IGF2BP2: variants seen among roughly 807,000 people sequenced by gnomAD.
The protein encoded by IGF2BP2 is insulin-like growth factor 2 mRNA-binding protein 2.
Under a neutral mutation model 75.8 loss-of-function variants are expected in IGF2BP2, and 17 were observed. The observed-to-expected ratio is 0.22, with a 90% CI of 0.15 to 0.34. The LOEUF (loss-of-function observed/expected upper bound fraction) is 0.34. Among genes scored for constraint, IGF2BP2 ranks in the 10% least tolerant of loss-of-function variants. IGF2BP2 has a pLI of 1.00. For synonymous variants in IGF2BP2, 288 were observed against 295.6 expected (o/e 0.97, Z 0.26); for missense variants, 516 against 772.4 (o/e 0.67, Z 3.93).
intron 2 of IGF2BP2, chr3:185,713,476 G>C (rs1725124474): frequency 1.9e-6 from 1 of 519,810 alleles, no homozygotes; most frequent in Non-Finnish European, 3.8e-6. Context: ...AGATCCAATG[G>C]TCAAGGTAAC....
chr3:185,692,618 AC>A, intron 5 of IGF2BP2, 80 bp downstream of exon 5: 1 of 1,249,170 alleles, frequency 8.0e-7, no homozygotes, highest in Non-Finnish European at 1.2e-6. Context: ...TTTTTAGAAA[AC>A]ATTTAAAAAC....
intron 2 of IGF2BP2, among the ~76,000 whole-genome samples, chr3:185,726,768 T>C (rs1039160709): frequency 6.6e-6 from 1 of 152,178 alleles, no homozygotes; most frequent in East Asian, 1.9e-4. Flanking sequence ...ATTCCTTTTG[T>C]GTCAGTAACA....
intron 2 of IGF2BP2, among the ~76,000 whole-genome samples, chr3:185,748,519 T>A (rs964923061): frequency 2.6e-5 from 4 of 152,240 alleles, no homozygotes; most frequent in African/African-American, 9.6e-5. Flanking sequence ...TAGAATGTAC[T>A]TCTAAAAATT....
chr3:185,781,591 A>T (rs1560460575), intron 2 of IGF2BP2, among the ~76,000 whole-genome samples: 1 of 152,192 alleles, frequency 6.6e-6, no homozygotes, highest in Non-Finnish European at 1.5e-5. Context: ...CGGTTTAAGC[A>T]TTGTGACTAG....
At chr3:185,659,612 G>A (rs538296662) in intron 10 of IGF2BP2, among the ~76,000 whole-genome samples, 93 of 152,044 alleles carry the variant, frequency 6.1e-4, no homozygotes, top group African/African-American at 2.2e-3. Context: ...CTGACCTCAG[G>A]TGATCTACCC....
At chr3:185,740,854 T>C (rs1578158817) in intron 2 of IGF2BP2, among the ~76,000 whole-genome samples, 1 of 152,300 alleles carries the variant, frequency 6.6e-6, no homozygotes, top group Admixed American at 6.5e-5. Context: ...GAGGAAATGT[T>C]TGCATATTTT....
At chr3:185,670,679 C>T in intron 10 of IGF2BP2, among the ~76,000 whole-genome samples, 1 of 152,126 alleles carries the variant, frequency 6.6e-6, no homozygotes, top group Non-Finnish European at 1.5e-5. Context: ...AGTGATTCTC[C>T]TTGCCTCAGC....
intron 2 of IGF2BP2, among the ~76,000 whole-genome samples, chr3:185,766,460 GA>G (rs1240437181): frequency 2.0e-5 from 3 of 151,998 alleles, no homozygotes; most frequent in Admixed American, 1.3e-4. Context: ...AAAATAAAAA[GA>G]ATATTCCGTG....
rs560800978 is a variant in IGF2BP2 at position 185,709,437 on chromosome 3, C to T, written c.240-11090G>A. ...CTCCCCAGGGGCACTTGCTGCTGGG[C>T]GCTGGCTTCTTTTTCCTGGCCCACT... On this transcript the variant is annotated intron_variant, in intron 2 of 15. Coordinates refer to ENST00000382199, the MANE Select transcript of IGF2BP2 (RefSeq NM_006548.6). Among the ~76,000 whole-genome samples the T allele has an allele frequency of 1.4e-3, 216 of 152,292 alleles. 2 individuals carry two copies. The highest frequency in any genetic ancestry group is 0.012 in the South Asian group (57 of 4,822).
intron 2 of IGF2BP2, chr3:185,722,395 G>A (rs1396753203): frequency 7.9e-6 from 3 of 381,520 alleles, no homozygotes; most frequent in African/African-American, 2.2e-5. Context: ...ACTGAATCAC[G>A]CTTTACTACA....
chr3:185,765,957 A>T (rs1399748905), intron 2 of IGF2BP2, among the ~76,000 whole-genome samples: 1 of 152,240 alleles, frequency 6.6e-6, no homozygotes, highest in Non-Finnish European at 1.5e-5. Flanking sequence ...GTTTGTGGGC[A>T]TGGGTATGGG....
chr3:185,693,170 A>G (rs1281725510), intron 4 of IGF2BP2: 1 of 156,178 alleles, frequency 6.4e-6, no homozygotes, highest in Non-Finnish European at 1.4e-5. Context: ...GTGTTGCTAA[A>G]AATCACCTTT....
intron 2 of IGF2BP2, among the ~76,000 whole-genome samples, chr3:185,710,819 C>T (rs1028539265): frequency 2.0e-5 from 3 of 151,488 alleles, no homozygotes; most frequent in African/African-American, 4.9e-5. Flanking sequence ...AAATTTTTTA[C>T]GCTATAGGAA....
At chr3:185,699,128 T>C (rs953484556) in intron 2 of IGF2BP2, among the ~76,000 whole-genome samples, 1 of 152,164 alleles carries the variant, frequency 6.6e-6, no homozygotes, top group East Asian at 1.9e-4. Flanking sequence ...GAGCATGTTT[T>C]AAGGTTTTCA....
intron 2 of IGF2BP2, among the ~76,000 whole-genome samples, chr3:185,739,981 G>C (rs1283278523): frequency 6.6e-6 from 1 of 151,152 alleles, no homozygotes; most frequent in Non-Finnish European, 1.5e-5. Context: ...TCACCCTCCT[G>C]AGTAGCTGGT....
intron 2 of IGF2BP2, among the ~76,000 whole-genome samples, chr3:185,818,018 G>A (rs1197178718): frequency 6.6e-6 from 1 of 152,114 alleles, no homozygotes; most frequent in Non-Finnish European, 1.5e-5. Context: ...CTTTTGTGAT[G>A]TTTAAATATA....
At chr3:185,824,688 C>A in intron 1 of IGF2BP2, 95 bp downstream of exon 1, 1 of 993,020 alleles carries the variant, frequency 1.0e-6, no homozygotes, top group Non-Finnish European at 1.3e-6. Flanking sequence ...CGGGAGCCGC[C>A]GCCGGGCGCC....
At chr3:185,821,453 GA>G (rs1362642326) in intron 2 of IGF2BP2, among the ~76,000 whole-genome samples, 2 of 152,082 alleles carry the variant, frequency 1.3e-5, no homozygotes, top group Non-Finnish European at 2.9e-5. Context: ...TTACTTAAAT[GA>G]CACTCCGGCT....
intron 2 of IGF2BP2, among the ~76,000 whole-genome samples, chr3:185,808,494 A>G (rs1739358813): frequency 6.6e-6 from 1 of 152,104 alleles, no homozygotes. Flanking sequence ...AATACTAAAT[A>G]ATAATAATTT....
Sources: gnomAD v4.1 joint callset for allele counts (sites outside exome capture counted in the v4.1 genomes callset) on GRCh38, gnomAD v4.1.1 for gene constraint, MANE v1.5 for transcripts, NCBI Gene and HGNC (gene_info 2026-07-23, HGNC 2026-07-21) for gene names.